The following NTN1 variants were observed in gnomAD, a reference collection of about 807,000 sequenced individuals.
The protein encoded by NTN1 is netrin-1.
A neutral mutation model predicts 54.2 loss-of-function variants in NTN1; 11 were observed. The observed-to-expected ratio is 0.20, with a 90% confidence interval of 0.13 to 0.34. The LOEUF (loss-of-function observed/expected upper bound fraction) is 0.34, where lower values mean the gene tolerates loss of function less well. Among genes scored for constraint, NTN1 ranks in the 10% least tolerant of loss-of-function variants. The probability of loss-of-function intolerance (pLI) is 1.00; values close to 1 mark genes in which losing one functional copy is unlikely to be tolerated. For synonymous variants in NTN1, 371 were observed against 382.0 expected (o/e 0.97, Z 0.33); for missense variants, 740 against 893.1 (o/e 0.83, Z 2.18).
At chr17:9,128,116 C>T (rs1056011798) in intron 2 of NTN1, among the ~76,000 whole-genome samples, 3 of 146,508 alleles carry the variant, frequency 2.0e-5, no homozygotes, top group African/African-American at 7.7e-5. Context: ...GACTCCGTCT[C>T]GAAAAATAAA....
At chr17:9,210,639 G>A (rs1011988325) in intron 5 of NTN1, among the ~76,000 whole-genome samples, 1 of 151,948 alleles carries the variant, frequency 6.6e-6, no homozygotes, top group Non-Finnish European at 1.5e-5. Flanking sequence ...TCGGCCGGTC[G>A]CTCACATCTG....
the NTN1 span, among the ~76,000 whole-genome samples, chr17:9,006,606 G>A: frequency 6.6e-6 from 1 of 152,192 alleles, no homozygotes; most frequent in Non-Finnish European, 1.5e-5. Flanking sequence ...AACATGACGT[G>A]CAACATGAAT....
At chr17:9,213,390 G>T (rs1261045658) in intron 5 of NTN1, among the ~76,000 whole-genome samples, 1 of 152,204 alleles carries the variant, frequency 6.6e-6, no homozygotes, top group Non-Finnish European at 1.5e-5. Flanking sequence ...AGCTCCAGAG[G>T]CTCCCCTGAG....
intron 2 of NTN1, among the ~76,000 whole-genome samples, chr17:9,033,441 G>A (rs1438091439): frequency 1.3e-5 from 2 of 152,200 alleles, no homozygotes; most frequent in East Asian, 1.9e-4. Flanking sequence ...GCATATGTAA[G>A]TGAGAATCAA....
chr17:9,186,619 C>T (rs1326960496), intron 5 of NTN1, among the ~76,000 whole-genome samples: 1 of 152,238 alleles, frequency 6.6e-6, no homozygotes, highest in Non-Finnish European at 1.5e-5. Context: ...TGCACATTAC[C>T]TTGATGGTAG....
chr17:9,024,598 G>T (rs1597461491), intron 2 of NTN1, among the ~76,000 whole-genome samples: 1 of 152,144 alleles, frequency 6.6e-6, no homozygotes, highest in African/African-American at 2.4e-5. Flanking sequence ...TGTTGTTGTC[G>T]AATAGTTTGT....
chr17:9,209,371 G>T (rs576489168), intron 5 of NTN1, among the ~76,000 whole-genome samples: 1 of 152,342 alleles, frequency 6.6e-6, no homozygotes, highest in Admixed American at 6.5e-5. Flanking sequence ...GAGACATTAG[G>T]GTTTGCTCTT....
At chr17:9,113,036 T>A (rs1264065457) in intron 2 of NTN1, among the ~76,000 whole-genome samples, 1 of 151,028 alleles carries the variant, frequency 6.6e-6, no homozygotes, top group African/African-American at 2.4e-5. Context: ...TTATTTTTAT[T>A]TTTTTGAGAC....
At chr17:9,147,535 C>T (rs973496093) in intron 2 of NTN1, among the ~76,000 whole-genome samples, 1 of 152,132 alleles carries the variant, frequency 6.6e-6, no homozygotes, top group Non-Finnish European at 1.5e-5. Flanking sequence ...TTAGCAAGGC[C>T]AATGCTAACC....
chr17:9,226,459 CGTG>C (rs1567744987), intron 6 of NTN1, among the ~76,000 whole-genome samples: 1 of 54,002 alleles, frequency 1.9e-5, no homozygotes, highest in Non-Finnish European at 3.4e-5. Flanking sequence ...GAGGCTGTCT[CGTG>C]GGGAGGCTGT....
At chr17:9,228,198 T>G (rs1370605150) in intron 6 of NTN1, among the ~76,000 whole-genome samples, 1 of 152,084 alleles carries the variant, frequency 6.6e-6, no homozygotes, top group Non-Finnish European at 1.5e-5. Context: ...TGGCCCATTC[T>G]TTAGAGGGGG....
chr17:9,065,065 T>A lies in NTN1; in HGVS notation c.1018+41674T>A, dbSNP rs561995179. Among the ~76,000 whole-genome samples the A allele has an allele frequency of 2.6e-5, 4 of 152,236 alleles. No homozygotes were observed. The South Asian group carries it at 8.3e-4, about 32-fold the overall frequency. On this transcript the variant is annotated intron_variant, in intron 2 of 6. Coordinates refer to ENST00000173229, the MANE Select transcript of NTN1 (RefSeq NM_004822.3). ...AATTCTCCTGCCTCAGCCTCCTGAGTATTTGGGATTACAGGTGTGCACCAC... is the reference window on the plus strand; with the variant it reads ...AATTCTCCTGCCTCAGCCTCCTGAGAATTTGGGATTACAGGTGTGCACCAC...
At chr17:9,023,931 A>G (rs1026975453) in intron 2 of NTN1, among the ~76,000 whole-genome samples, 2 of 152,196 alleles carry the variant, frequency 1.3e-5, no homozygotes, top group Non-Finnish European at 2.9e-5. Flanking sequence ...ATGATTTGAA[A>G]CTATTTTTGT....
At chr17:9,223,816 G>A (rs559625553) in intron 6 of NTN1, among the ~76,000 whole-genome samples, 15 of 152,312 alleles carry the variant, frequency 9.8e-5, no homozygotes, top group East Asian at 3.9e-4. Context: ...TTAATGGGTC[G>A]CAGAGGGAAA....
chr17:9,102,128 T>A (rs1455963885), intron 2 of NTN1, among the ~76,000 whole-genome samples: 1 of 152,208 alleles, frequency 6.6e-6, no homozygotes, highest in Non-Finnish European at 1.5e-5. Context: ...ATATCAGGTG[T>A]TGATAAAATA....
chr17:9,186,051 G>A (rs1258531172), intron 5 of NTN1, among the ~76,000 whole-genome samples: 6 of 152,030 alleles, frequency 3.9e-5, no homozygotes, highest in East Asian at 1.9e-4. Context: ...GCTTGTTCTC[G>A]GTCCGCCCCT....
intron 6 of NTN1, among the ~76,000 whole-genome samples, chr17:9,236,835 C>T (rs1906007914): frequency 6.6e-6 from 1 of 152,212 alleles, no homozygotes; most frequent in South Asian, 2.1e-4. Context: ...CAGGGGGCTG[C>T]TTTGGATGCC....
intron 2 of NTN1, among the ~76,000 whole-genome samples, chr17:9,119,713 G>T (rs190924831): frequency 6.6e-6 from 1 of 152,046 alleles, no homozygotes; most frequent in Non-Finnish European, 1.5e-5. Context: ...GCCCAGGCTG[G>T]TCTCGAACTC....
intron 2 of NTN1, among the ~76,000 whole-genome samples, chr17:9,055,773 G>C (rs572270485): frequency 6.6e-6 from 1 of 152,294 alleles, no homozygotes; most frequent in Admixed American, 6.5e-5. Context: ...CCACACTAGA[G>C]TGCGGTGGGG....
Sources: gnomAD v4.1 joint callset for allele counts (sites outside exome capture counted in the v4.1 genomes callset) on GRCh38, gnomAD v4.1.1 for gene constraint, MANE v1.5 for transcripts, NCBI Gene and HGNC (gene_info 2026-07-23, HGNC 2026-07-21) for gene names.